The following PRKG1 variants were observed in gnomAD, a reference collection of about 807,000 sequenced individuals.
PRKG1 encodes cGMP-dependent protein kinase 1.
Under a neutral mutation model 88.1 loss-of-function variants are expected in PRKG1, and 35 were observed. The observed-to-expected ratio is 0.40, with a 90% CI of 0.30 to 0.53. PRKG1 has a LOEUF of 0.53. Ranked by LOEUF, PRKG1 falls within the 20% of genes least tolerant of loss-of-function variation. The pLI is 0.59. For missense variants in PRKG1, 540 were observed against 839.8 expected (o/e 0.64, Z 4.41); for synonymous variants, 303 against 292.5 (o/e 1.04, Z -0.37).
At chr10:51,268,429 A>C (rs1839893559) in intron 2 of PRKG1, among the ~76,000 whole-genome samples, 1 of 152,134 alleles carries the variant, frequency 6.6e-6, no homozygotes, top group African/African-American at 2.4e-5. Flanking sequence ...GCTGCCCCTG[A>C]AGCGGCCATT....
rs1232452561 is a variant in PRKG1, at chr10:51,783,170, AG to A, written c.593-21414del. Among the ~76,000 whole-genome samples the A allele has an allele frequency of 5.9e-5, 9 of 152,306 alleles. No homozygotes were observed. The South Asian group carries it at 1.7e-3, about 28-fold the overall frequency. ...CAGGTTTTGAATATGTTGGAAAAAG[AG>A]TAAATAAGACATTCTCTTTGCTCTT... On this transcript the variant is annotated intron_variant, in intron 3 of 17. Transcript: ENST00000373980.
At chr10:51,983,166 G>C (rs536200961) in intron 5 of PRKG1, among the ~76,000 whole-genome samples, 1 of 152,120 alleles carries the variant, frequency 6.6e-6, no homozygotes, top group African/African-American at 2.4e-5. Flanking sequence ...ACTGGCAGGC[G>C]TGGGGCTGGC....
At chr10:51,077,395 T>C (rs982307413) in intron 1 of PRKG1, among the ~76,000 whole-genome samples, 1 of 152,186 alleles carries the variant, frequency 6.6e-6, no homozygotes, top group Non-Finnish European at 1.5e-5. Context: ...TTTACGTTCA[T>C]GCTAGTTTTT....
chr10:51,862,115 T>C (rs1419702590), intron 4 of PRKG1, among the ~76,000 whole-genome samples: 1 of 152,218 alleles, frequency 6.6e-6, no homozygotes, highest in African/African-American at 2.4e-5. Context: ...CAGTTCTGTC[T>C]CATTCCTGCT....
intron 3 of PRKG1, among the ~76,000 whole-genome samples, chr10:51,678,683 G>A (rs902322302): frequency 4.6e-5 from 7 of 152,200 alleles, no homozygotes; most frequent in African/African-American, 1.7e-4. Context: ...TTTTATTTCT[G>A]TATTTTACAT....
chr10:51,675,073 T>C (rs1168849235), intron 3 of PRKG1, among the ~76,000 whole-genome samples: 1 of 152,182 alleles, frequency 6.6e-6, no homozygotes, highest in Admixed American at 6.5e-5. Flanking sequence ...GAAGACTGAA[T>C]GGTTTTCAGT....
chr10:51,859,016 G>T (rs756205833), intron 4 of PRKG1, among the ~76,000 whole-genome samples: 2 of 152,060 alleles, frequency 1.3e-5, no homozygotes, highest in Non-Finnish European at 2.9e-5. Flanking sequence ...CCCCCAAAGT[G>T]GCCTGCTCGA....
chr10:51,803,415 A>G (rs919219659), intron 3 of PRKG1, among the ~76,000 whole-genome samples: 3 of 152,112 alleles, frequency 2.0e-5, no homozygotes, highest in Non-Finnish European at 2.9e-5. Flanking sequence ...CAATTCAAAG[A>G]TGGGTTTACT....
chr10:51,676,954 C>A (rs1840726306), intron 3 of PRKG1, among the ~76,000 whole-genome samples: 1 of 152,138 alleles, frequency 6.6e-6, no homozygotes, highest in African/African-American at 2.4e-5. Flanking sequence ...AAGTGTACAG[C>A]TCAATTAAAT....
intron 4 of PRKG1, among the ~76,000 whole-genome samples, chr10:51,842,167 G>A (rs1840292991): frequency 3.3e-5 from 5 of 152,164 alleles, no homozygotes; most frequent in Admixed American, 3.3e-4. Context: ...TTTGAATGTG[G>A]TATTTTATTT....
At position 51,946,866 on chromosome 10, in the gene PRKG1, C is replaced by G. The variant is rs1445272729; in HGVS notation, c.762+39296C>G. The stretch of plus-strand genomic sequence containing the variant: ...CCAGCCGTGTGAGGTGTCAGTCTAC[C>G]CCTACTGGGGGGTGCCTCCCAGTTA... On this transcript the variant is annotated intron_variant, in intron 5 of 17. Transcript: ENST00000373980. Among the ~76,000 whole-genome samples the G allele has an allele frequency of 5.3e-5, 8 of 151,714 alleles. No homozygotes were observed. In the East Asian group the frequency reaches 1.5e-3, roughly 29 times the overall value.
chr10:52,065,913 T>C (rs1452424661), intron 7 of PRKG1, among the ~76,000 whole-genome samples: 1 of 152,218 alleles, frequency 6.6e-6, no homozygotes, highest in East Asian at 1.9e-4. Context: ...AAAACAATGT[T>C]ATTTCCAACA....
At chr10:51,117,270 T>C (rs7896662) in intron 1 of PRKG1, among the ~76,000 whole-genome samples, 121,593 of 152,120 alleles carry the variant, frequency 0.8, 49,116 homozygotes, top group South Asian at 0.88. Flanking sequence ...ATAATGCTTC[T>C]TTGTGCACAG....
chr10:51,809,013 G>T (rs559499475), intron 4 of PRKG1, among the ~76,000 whole-genome samples: 14 of 152,032 alleles, frequency 9.2e-5, no homozygotes, highest in Non-Finnish European at 1.9e-4. Context: ...GAATAAACAC[G>T]TAAGTTTGGA....
chr10:51,535,017 T>C (rs879172299), intron 3 of PRKG1, among the ~76,000 whole-genome samples: 13 of 152,202 alleles, frequency 8.5e-5, no homozygotes, highest in Admixed American at 3.3e-4. Context: ...GTACCCTTTA[T>C]GAATATGAAT....
intron 7 of PRKG1, among the ~76,000 whole-genome samples, chr10:52,128,716 A>G (rs980383031): frequency 6.6e-6 from 1 of 152,250 alleles, no homozygotes; most frequent in Non-Finnish European, 1.5e-5. Context: ...GCAATTTTGT[A>G]AAAATACCTG....
intron 1 of PRKG1, chr10:51,068,639 G>C (rs558861199): frequency 5.3e-5 from 8 of 151,924 alleles, no homozygotes; most frequent in Non-Finnish European, 1.2e-4. Context: ...TCATGGACTA[G>C]AGAGCTATTC....
intron 3 of PRKG1, among the ~76,000 whole-genome samples, chr10:51,662,457 T>C (rs577722921): frequency 6.6e-6 from 1 of 152,304 alleles, no homozygotes; most frequent in African/African-American, 2.4e-5. Context: ...CACAAAATTA[T>C]GTGCTATGTA....
At chr10:51,535,907 G>C (rs1346130333) in intron 3 of PRKG1, among the ~76,000 whole-genome samples, 2 of 151,976 alleles carry the variant, frequency 1.3e-5, no homozygotes, top group Non-Finnish European at 2.9e-5. Context: ...ATTTTTAGTA[G>C]AGAGGGGGTT....
Sources: allele counts gnomAD v4.1 joint callset (sites outside exome capture counted in the v4.1 genomes callset), GRCh38; gene constraint gnomAD v4.1.1; transcripts MANE v1.5; gene names NCBI Gene and HGNC (gene_info 2026-07-23, HGNC 2026-07-21).